PLD1: variants seen among roughly 807,000 people sequenced by gnomAD.
The protein encoded by PLD1 is choline phosphatase 1.
Under a neutral mutation model 137.1 loss-of-function variants are expected in PLD1, and 112 were observed. That is an observed-to-expected ratio of 0.82 (90% CI 0.70 to 0.96). The LOEUF (loss-of-function observed/expected upper bound fraction) is 0.96. PLD1 is among the 40% of genes least tolerant of loss of function. The pLI is 0.00. For missense variants in PLD1, 1,321 were observed against 1,342.0 expected (o/e 0.98, Z 0.24); for synonymous variants, 431 against 454.7 (o/e 0.95, Z 0.66).
intron 16 of PLD1, chr3:171,677,917 A>T: frequency 2.6e-6 from 1 of 381,338 alleles, no homozygotes; most frequent in East Asian, 4.3e-5. Flanking sequence ...ATTCATCATT[A>T]AACAATGAAA....
intron 17 of PLD1, among the ~76,000 whole-genome samples, chr3:171,677,355 G>T (rs1337783193): frequency 6.6e-6 from 1 of 151,954 alleles, no homozygotes; most frequent in Non-Finnish European, 1.5e-5. Context: ...AGACAGTTCA[G>T]CTCTATTTCA....
intron 23 of PLD1, among the ~76,000 whole-genome samples, chr3:171,624,546 C>A (rs1733920813): frequency 6.6e-6 from 1 of 151,734 alleles, no homozygotes; most frequent in South Asian, 2.1e-4. Context: ...ATACCTTCAA[C>A]AAATAAGAAT....
chr3:171,788,103 A>G (rs189994393), intron 1 of PLD1, among the ~76,000 whole-genome samples: 106 of 152,018 alleles, frequency 7.0e-4, no homozygotes, highest in African/African-American at 2.5e-3. Context: ...GCTGCTCCAG[A>G]GAATCACTTG....
intron 1 of PLD1, among the ~76,000 whole-genome samples, chr3:171,749,957 T>C (rs1578409761): frequency 6.6e-6 from 1 of 152,304 alleles, no homozygotes; most frequent in East Asian, 1.9e-4. Flanking sequence ...GCAAGTTAAA[T>C]GACTGGAAAA....
At chr3:171,710,869 G>GTTTTTTTTTTTTT (rs1281179100) in intron 9 of PLD1, among the ~76,000 whole-genome samples, 16 of 98,674 alleles carry the variant, frequency 1.6e-4, no homozygotes, top group African/African-American at 8.2e-4. Context: ...TAGGAAAACT[G>GTTTTTTTTTTTTT]TTCTTTTTTT....
At chr3:171,635,875 C>T (rs561246947) in intron 23 of PLD1, among the ~76,000 whole-genome samples, 8 of 149,988 alleles carry the variant, frequency 5.3e-5, no homozygotes, top group East Asian at 3.9e-4. Context: ...TATTTTCTTC[C>T]GGGAAATGTA....
intron 1 of PLD1, among the ~76,000 whole-genome samples, chr3:171,797,335 G>C (rs1200027478): frequency 1.3e-5 from 2 of 152,138 alleles, no homozygotes; most frequent in African/African-American, 4.8e-5. Context: ...TTTAATCTTT[G>C]AATTGTGTTT....
chr3:171,602,525 G>C lies in PLD1; in HGVS notation c.*553C>G, dbSNP rs1731901411. ...CGTACAGTGACTGAAAAGGAATAAT[G>C]ACTATATCCTCATTTGGGTGAATGT... On this transcript the variant is annotated 3_prime_UTR_variant, in exon 27 of 27. Transcript: ENST00000351298. 1 of 160,632 alleles carries C rather than the reference G, an allele frequency of 6.2e-6. No homozygotes were observed. Among genetic ancestry groups the C allele is most frequent in the Non-Finnish European group, 1.4e-5 (1 of 72,786 alleles). 10.0% of individuals were successfully genotyped at this position (160,632 alleles called of 1,614,324 possible).
rs1261046105 is a variant in PLD1, at chr3:171,717,248, T to C, written c.759-3203A>G. On this transcript the variant is annotated intron_variant, in intron 8 of 26. Transcript: ENST00000351298. Reference sequence around the variant, plus strand: ...GTTTTTTCTAGTTTTGTGAAGAATGTTATTGGTAGTTTGGTGGGAATAGCA... The same window carrying C: ...GTTTTTTCTAGTTTTGTGAAGAATGCTATTGGTAGTTTGGTGGGAATAGCA... 3.3e-5 allele frequency among the ~76,000 whole-genome samples: 5 copies of C among 152,200 alleles called. No homozygotes were observed. In the East Asian group the frequency reaches 9.6e-4, roughly 29 times the overall value.
chr3:171,630,084 G>A (rs1389386963), intron 23 of PLD1, among the ~76,000 whole-genome samples: 28 of 151,762 alleles, frequency 1.8e-4, no homozygotes, highest in African/African-American at 5.1e-4. Context: ...GCAACCTACA[G>A]AATGGGAGAA....
At chr3:171,741,687 T>G (rs545110500) in intron 1 of PLD1, among the ~76,000 whole-genome samples, 137 of 152,282 alleles carry the variant, frequency 9.0e-4, no homozygotes, top group Non-Finnish European at 1.6e-3. Flanking sequence ...CAAATAAGGG[T>G]TTTTTTATTC....
At chr3:171,768,906 G>GCT (rs2108326573) in intron 1 of PLD1, among the ~76,000 whole-genome samples, 1 of 152,302 alleles carries the variant, frequency 6.6e-6, no homozygotes, top group Admixed American at 6.5e-5. Flanking sequence ...TGAGACAAAT[G>GCT]CTCATCTCTT....
At chr3:171,704,458 GAA>G (rs34861885) in intron 11 of PLD1, among the ~76,000 whole-genome samples, 3 of 95,224 alleles carry the variant, frequency 3.2e-5, no homozygotes, top group African/African-American at 9.9e-5. Context: ...AAAGAACCAG[GAA>G]AAAAAAAAAA....
At chr3:171,701,897 C>A (rs188101787) in intron 11 of PLD1, among the ~76,000 whole-genome samples, 9 of 151,954 alleles carry the variant, frequency 5.9e-5, no homozygotes, top group Non-Finnish European at 1.0e-4. Context: ...ATCCTGATTG[C>A]GGAGATATTA....
At chr3:171,676,108 C>T (rs180804880) in intron 18 of PLD1, among the ~76,000 whole-genome samples, 3 of 152,232 alleles carry the variant, frequency 2.0e-5, no homozygotes, top group East Asian at 1.9e-4. Flanking sequence ...TCCCAAAGTG[C>T]CAGGATTACA....
intron 1 of PLD1, among the ~76,000 whole-genome samples, chr3:171,748,957 A>G (rs1720466723): frequency 6.6e-6 from 1 of 151,594 alleles, no homozygotes; most frequent in African/African-American, 2.4e-5. Context: ...TAAGCACAGG[A>G]ACTAGCAGCA....
intron 6 of PLD1, among the ~76,000 whole-genome samples, chr3:171,731,556 C>T (rs924704393): frequency 3.9e-4 from 60 of 151,982 alleles, no homozygotes; most frequent in African/African-American, 1.3e-3. Flanking sequence ...CAGAGGCGGG[C>T]GGATCACAAG....
rs748995146 is a variant in PLD1, at chr3:171,715,144, C to A, written c.759-1099G>T. 5.7e-4 allele frequency among the ~76,000 whole-genome samples: 87 copies of A among 152,186 alleles called. 1 individual carries two copies. The highest frequency in any genetic ancestry group is 5.2e-4 in the Admixed American group (8 of 15,264). On this transcript the variant is annotated intron_variant, in intron 8 of 26. Coordinates refer to ENST00000351298, the MANE Select transcript of PLD1 (RefSeq NM_002662.5). ...TTATAAGAGTTCTTATAACACTCCT[C>A]AATACGAATACCAAGGCTATGATAT...
chr3:171,772,373 GATTTACATGAATTACTGGTAAA>G (rs1428289313), intron 1 of PLD1, among the ~76,000 whole-genome samples: 1 of 152,200 alleles, frequency 6.6e-6, no homozygotes, highest in Non-Finnish European at 1.5e-5. Context: ...TTGCCAAACT[GATTTACATGAATTACTGGTAAA>G]ATTCAAGTTA....
Sources: gnomAD v4.1 joint callset for allele counts (sites outside exome capture counted in the v4.1 genomes callset) on GRCh38, gnomAD v4.1.1 for gene constraint, MANE v1.5 for transcripts, NCBI Gene and HGNC (gene_info 2026-07-23, HGNC 2026-07-21) for gene names.